The following RSPO3 variants were observed in gnomAD, a reference collection of about 807,000 sequenced individuals.
RSPO3 encodes the protein R-spondin-3.
In RSPO3, 17 loss-of-function variants were observed where a neutral mutation model predicts 36.5. The observed-to-expected ratio is 0.47, with a 90% confidence interval of 0.32 to 0.70. RSPO3 has a LOEUF of 0.70. Among genes scored for constraint, RSPO3 ranks in the 30% least tolerant of loss-of-function variants. RSPO3 has a pLI of 0.04. For synonymous variants in RSPO3, 108 were observed against 107.0 expected (o/e 1.01, Z -0.06); for missense variants, 294 against 322.5 (o/e 0.91, Z 0.68).
intron 4 of RSPO3, among the ~76,000 whole-genome samples, chr6:127,170,691 T>A (rs1431306486): frequency 6.6e-6 from 1 of 151,772 alleles, no homozygotes; most frequent in Non-Finnish European, 1.5e-5. Context: ...TGAGATATTA[T>A]TGTCTTTAAG....
intron 4 of RSPO3, among the ~76,000 whole-genome samples, chr6:127,179,199 T>A (rs1344166100): frequency 6.6e-6 from 1 of 151,880 alleles, no homozygotes; most frequent in African/African-American, 2.4e-5. Context: ...ATAATTCAGC[T>A]AATAATCTAT....
intron 4 of RSPO3, among the ~76,000 whole-genome samples, chr6:127,156,139 G>A (rs1005949966): frequency 1.3e-5 from 2 of 152,064 alleles, no homozygotes; most frequent in South Asian, 2.1e-4. Context: ...AATCATTAAC[G>A]ACATTTGTCT....
chr6:127,119,591 G>A (rs1226680563), intron 1 of RSPO3, among the ~76,000 whole-genome samples: 2 of 152,242 alleles, frequency 1.3e-5, no homozygotes, highest in African/African-American at 4.8e-5. Context: ...ACTCGCACCC[G>A]GGATTTGTGC....
At chr6:127,187,603 T>G in intron 4 of RSPO3, among the ~76,000 whole-genome samples, 1 of 152,180 alleles carries the variant, frequency 6.6e-6, no homozygotes, top group East Asian at 1.9e-4. Flanking sequence ...GCAAACATGC[T>G]TAGATCAAGA....
intron 4 of RSPO3, among the ~76,000 whole-genome samples, chr6:127,195,407 A>T (rs1775494631): frequency 6.6e-6 from 1 of 152,194 alleles, no homozygotes; most frequent in Admixed American, 6.5e-5. Flanking sequence ...GGGCTCAAGC[A>T]GTCCTCCCAC....
In RSPO3 at chr6:127,119,112, C is replaced by G; in HGVS notation, c.-81C>G. ...GGCACTGTCTATATACGCCTAACAC[C>G]TACATATATTTTAAAAACATTAAAT... On this transcript the variant is annotated 5_prime_UTR_variant, in exon 1 of 5. Coordinates refer to ENST00000356698, the MANE Select transcript of RSPO3 (RefSeq NM_032784.5). 8.9e-7 allele frequency: 1 copy of G among 1,117,946 alleles called. No homozygotes were observed. Among genetic ancestry groups the G allele is most frequent in the East Asian group, 2.4e-5 (1 of 41,084 alleles). 69.3% of individuals were successfully genotyped at this position (1,117,946 alleles called of 1,614,324 possible). A position where few individuals can be genotyped will look rare whatever the true frequency, so the allele number is the denominator to read the frequency against.
intron 4 of RSPO3, among the ~76,000 whole-genome samples, chr6:127,194,236 A>G (rs1775468491): frequency 6.6e-6 from 1 of 152,334 alleles, no homozygotes; most frequent in Non-Finnish European, 1.5e-5. Flanking sequence ...CAATATTTGC[A>G]GCCTACTTCA....
At chr6:127,172,464 A>T (rs1774958731) in intron 4 of RSPO3, among the ~76,000 whole-genome samples, 1 of 151,638 alleles carries the variant, frequency 6.6e-6, no homozygotes, top group African/African-American at 2.4e-5. Flanking sequence ...CTGGTTATAT[A>T]AATCTGGGAA....
intron 4 of RSPO3, among the ~76,000 whole-genome samples, chr6:127,168,560 C>T (rs958350921): frequency 1.7e-4 from 26 of 152,168 alleles, no homozygotes; most frequent in African/African-American, 5.8e-4. Context: ...GTTATTCACT[C>T]TGATGGTAGT....
chr6:127,197,609 C>G lies in RSPO3; in HGVS notation c.*1602C>G. On this transcript the variant is annotated 3_prime_UTR_variant, in exon 5 of 5. Coordinates refer to ENST00000356698, the MANE Select transcript of RSPO3 (RefSeq NM_032784.5). Reference sequence around the variant, plus strand: ...CTGTGATTCCTAGCCCTCTCAAGATCACTGCTTTCTGAAGAATTTGCAATG... The same window carrying G: ...CTGTGATTCCTAGCCCTCTCAAGATGACTGCTTTCTGAAGAATTTGCAATG... 1 of 1,467,682 alleles carries G rather than the reference C, an allele frequency of 6.8e-7. No homozygotes were observed. The highest frequency in any genetic ancestry group is 1.4e-5 in the South Asian group (1 of 73,344). The allele number at this position is 1,467,682 out of a possible 1,614,324, so 90.9% of individuals were successfully genotyped here. A position where few individuals can be genotyped will look rare whatever the true frequency, so the allele number is the denominator to read the frequency against.
chr6:127,152,500 G>T (rs569484712), intron 3 of RSPO3, among the ~76,000 whole-genome samples: 2 of 152,084 alleles, frequency 1.3e-5, no homozygotes, highest in Admixed American at 6.6e-5. Flanking sequence ...GAGCCAAAAT[G>T]GTGATCCCAA....
chr6:127,179,856 C>G (rs191042283), intron 4 of RSPO3, among the ~76,000 whole-genome samples: 97 of 151,880 alleles, frequency 6.4e-4, no homozygotes, highest in African/African-American at 2.2e-3. Flanking sequence ...CAGGTTGAGT[C>G]CTTTTCACAC....
chr6:127,158,960 AGACT>A (rs938507045), intron 4 of RSPO3, among the ~76,000 whole-genome samples: 3 of 152,310 alleles, frequency 2.0e-5, no homozygotes, highest in Non-Finnish European at 4.4e-5. Flanking sequence ...GAGATTATAC[AGACT>A]AATATATAAA....
At chr6:127,123,578 C>A (rs1773886470) in intron 1 of RSPO3, among the ~76,000 whole-genome samples, 1 of 152,088 alleles carries the variant, frequency 6.6e-6, no homozygotes, top group African/African-American at 2.4e-5. Context: ...CATGGTGACA[C>A]TATTTTAATT....
At chr6:127,123,094 G>A (rs1773876642) in intron 1 of RSPO3, among the ~76,000 whole-genome samples, 2 of 152,028 alleles carry the variant, frequency 1.3e-5, no homozygotes, top group Non-Finnish European at 2.9e-5. Flanking sequence ...AATTTTCATG[G>A]TAATAAAATA....
At chr6:127,158,931 T>C (rs1057502591) in intron 4 of RSPO3, among the ~76,000 whole-genome samples, 1 of 152,156 alleles carries the variant, frequency 6.6e-6, no homozygotes, top group South Asian at 2.1e-4. Context: ...ATTTGAAATA[T>C]CAAAAATATA....
At chr6:127,195,777 G>A in intron 4 of RSPO3, 46 bp from the exon 5 acceptor site, 1 of 1,279,426 alleles carries the variant, frequency 7.8e-7, no homozygotes, top group Non-Finnish European at 1.1e-6. Context: ...TTAAAAAATA[G>A]AACATAATTG....
intron 1 of RSPO3, among the ~76,000 whole-genome samples, chr6:127,142,688 C>G (rs1371255905): frequency 2.0e-5 from 3 of 152,160 alleles, no homozygotes; most frequent in African/African-American, 4.8e-5. Flanking sequence ...AACATGATTT[C>G]TTTGCCAGAT....
chr6:127,120,826 C>G (rs1307009013), intron 1 of RSPO3, among the ~76,000 whole-genome samples: 3 of 152,364 alleles, frequency 2.0e-5, no homozygotes, highest in African/African-American at 7.2e-5. Context: ...GTCAGGGCAT[C>G]CGATTTATTA....
Sources: gnomAD v4.1 joint callset for allele counts (sites outside exome capture counted in the v4.1 genomes callset) on GRCh38, gnomAD v4.1.1 for gene constraint, MANE v1.5 for transcripts, NCBI Gene and HGNC (gene_info 2026-07-23, HGNC 2026-07-21) for gene names.